The following ADAMTS13 variants were observed in gnomAD, a reference collection of about 807,000 sequenced individuals.
The protein encoded by ADAMTS13 is ADAM metallopeptidase with thrombospondin type 1 motif 13.
ADAMTS13 carries 110 observed loss-of-function variants against 155.1 expected under a neutral mutation model. The observed-to-expected ratio is 0.71, with a 90% confidence interval of 0.61 to 0.83. ADAMTS13 has a LOEUF of 0.83. Ranked by LOEUF, ADAMTS13 falls within the 40% of genes least tolerant of loss-of-function variation. The probability of loss-of-function intolerance (pLI) is 0.00; values close to 1 mark genes in which losing one functional copy is unlikely to be tolerated. For synonymous variants in ADAMTS13, 758 were observed against 756.4 expected (o/e 1.00, Z -0.03); for missense variants, 1,707 against 1,891.7 (o/e 0.90, Z 1.81).
intron 18 of ADAMTS13, 125 bp downstream of exon 18, chr9:133,442,868 C>G: frequency 7.1e-7 from 1 of 1,400,986 alleles, no homozygotes; most frequent in Non-Finnish European, 9.4e-7. Flanking sequence ...TGTGCAGGCT[C>G]TCATTACCCC....
Position 133,443,574 on chromosome 9 carries a change from C to A in ADAMTS13, c.2420+13C>A. 6.5e-7 allele frequency: 1 copy of A among 1,532,734 alleles called. No homozygotes were observed. Among genetic ancestry groups the A allele is most frequent in the Non-Finnish European group, 8.7e-7 (1 of 1,144,058 alleles). 94.9% of individuals were successfully genotyped at this position (1,532,734 alleles called of 1,614,324 possible). On this transcript the variant is annotated intron_variant, in intron 19 of 28. Transcript: ENST00000355699. ...CCTGCCCTGCCAGGTGAGCCCAGGG[C>A]TAGGTGGGGCTGGGAGAGGGCCTTC... is the stretch of plus-strand genomic sequence containing the variant.
chr9:133,417,869 C>G (rs1564401248), upstream of ADAMTS13: 1 of 1,592,250 alleles, frequency 6.3e-7, no homozygotes, highest in Admixed American at 1.7e-5. Context: ...GCGCCTGGGC[C>G]GGCGGCCACC....
intron 11 of ADAMTS13, 111 bp downstream of exon 11, chr9:133,433,815 G>T: frequency 7.5e-7 from 1 of 1,329,674 alleles, no homozygotes. Context: ...GGACATTGGG[G>T]CCAGGTGAGG....
intron 23 of ADAMTS13, among the ~76,000 whole-genome samples, chr9:133,453,713 A>G (rs1842575638): frequency 6.6e-6 from 1 of 152,182 alleles, no homozygotes; most frequent in African/African-American, 2.4e-5. Context: ...GATGCACACG[A>G]CAGCCTCCAC....
intron 11 of ADAMTS13, among the ~76,000 whole-genome samples, chr9:133,435,433 C>T (rs1488375083): frequency 1.3e-5 from 2 of 151,974 alleles, no homozygotes; most frequent in African/African-American, 4.8e-5. Context: ...AGGTGATCTG[C>T]CCGCCTTGGC....
rs3810905 is a variant in ADAMTS13, at chr9:133,455,724, G to A, written c.3400+289G>A. On this transcript the variant is annotated intron_variant, in intron 25 of 28. Coordinates refer to ENST00000355699, the MANE Select transcript of ADAMTS13 (RefSeq NM_139027.6). ...CTGGGTTGTGTGCCTGGGAGGCCGGGATCAGGGCTGGCCCTCTTTCTCCCT... is the reference window on the plus strand; with the variant it reads ...CTGGGTTGTGTGCCTGGGAGGCCGGAATCAGGGCTGGCCCTCTTTCTCCCT... 3,424 of 1,333,256 alleles carry A rather than the reference G, an allele frequency of 2.6e-3. 42 individuals are homozygous for A. The East Asian group carries it at 0.031, about 12-fold the overall frequency. 82.6% of individuals were successfully genotyped at this position (1,333,256 alleles called of 1,614,324 possible).
chr9:133,447,095 T>C (rs782083269), intron 21 of ADAMTS13, among the ~76,000 whole-genome samples: 3 of 152,194 alleles, frequency 2.0e-5, no homozygotes, highest in Admixed American at 6.5e-5. Flanking sequence ...CCTCAGGTGA[T>C]CTGCCTGCCT....
intron 24 of ADAMTS13, among the ~76,000 whole-genome samples, chr9:133,454,990 A>G (rs782650104): frequency 1.3e-5 from 2 of 152,106 alleles, no homozygotes; most frequent in Non-Finnish European, 2.9e-5. Flanking sequence ...GCATAGGGGC[A>G]CAGCAGACAG....
rs587614391 is a variant in ADAMTS13, at chr9:133,424,159, G to A, written c.173-162G>A. Among the ~76,000 whole-genome samples, 3 of 152,348 alleles carry A rather than the reference G, an allele frequency of 2.0e-5. No individual in the cohort carries two copies. Among genetic ancestry groups the A allele is most frequent in the South Asian group, 4.1e-4 (2 of 4,832 alleles). ...GCTCCTCCTGGGCCCTGCCCTTTGCGTGCCTAGTCACTAATGGGGTCTGGC... is the reference window on the plus strand; with the variant it reads ...GCTCCTCCTGGGCCCTGCCCTTTGCATGCCTAGTCACTAATGGGGTCTGGC... On this transcript the variant is annotated intron_variant, in intron 2 of 28. Coordinates refer to ENST00000355699, the MANE Select transcript of ADAMTS13 (RefSeq NM_139027.6). This position sits in a 1 kb window ranked among gnomAD's most constrained non-coding sequence, Gnocchi z 4.3.
Position 133,457,986 on chromosome 9 carries a change from G to C in ADAMTS13, c.3801G>C (p.Gly1267=). Residue 1267 remains glycine, a synonymous_variant, in exon 28 of 29, where the codon GGG becomes GGC. Transcript: ENST00000355699. ...TGAGTCCAGCCACGAGTAATGCAGG[G>C]GGCTGCCGGCTCTTCATTAATGTGG... is the stretch of plus-strand genomic sequence containing the variant. ...PSLSPATSNA[G]GCRLFINVAP... is the part of the protein sequence containing the mutation. 6.2e-7 allele frequency: 1 copy of C among 1,613,656 alleles called. No homozygotes were observed. The highest frequency in any genetic ancestry group is 8.5e-7 in the Non-Finnish European group (1 of 1,180,044).
chr9:133,452,003 T>C (rs782376342), intron 23 of ADAMTS13, among the ~76,000 whole-genome samples: 3 of 151,494 alleles, frequency 2.0e-5, no homozygotes, highest in East Asian at 1.9e-4. Context: ...TTTTTTTTTT[T>C]CTAAATTGTT....
chr9:133,440,014 G>T lies in ADAMTS13; in HGVS notation c.1787-330G>T, dbSNP rs1316803514. Among the ~76,000 whole-genome samples, 1 of 152,268 alleles carries T rather than the reference G, an allele frequency of 6.6e-6. No homozygotes were observed. Among genetic ancestry groups the T allele is most frequent in the Non-Finnish European group, 1.5e-5 (1 of 68,046 alleles). ...CAGCAAAAGCTGGACTTCTCTTTGG[G>T]CAAGGCCCGCTTCTTTGCTATTGAG... On this transcript the variant is annotated intron_variant, in intron 15 of 28. Coordinates refer to ENST00000355699, the MANE Select transcript of ADAMTS13 (RefSeq NM_139027.6). This position sits in a 1 kb window ranked among gnomAD's most constrained non-coding sequence, Gnocchi z 4.3.
At chr9:133,417,433 A>G (rs781878032), upstream of ADAMTS13, among the ~76,000 whole-genome samples, 2 of 152,204 alleles carry the variant, frequency 1.3e-5, no homozygotes, top group Non-Finnish European at 2.9e-5. Context: ...TTCTTTCATC[A>G]ATTTCTTTCA....
rs1554797242 is a variant in ADAMTS13, at chr9:133,459,232, T to C, written c.*52T>C. On this transcript the variant is annotated 3_prime_UTR_variant, in exon 29 of 29. Coordinates refer to ENST00000355699, the MANE Select transcript of ADAMTS13 (RefSeq NM_139027.6). ...TGGCCAGCCCTGGAGGGTTGACCCCTGGTCTCAGTGCTTTCCAATTCGAAC... is the reference window on the plus strand; with the variant it reads ...TGGCCAGCCCTGGAGGGTTGACCCCCGGTCTCAGTGCTTTCCAATTCGAAC... 1 of 1,514,156 alleles carries C rather than the reference T, an allele frequency of 6.6e-7. No homozygotes were observed. Among genetic ancestry groups the C allele is most frequent in the Non-Finnish European group, 9.0e-7 (1 of 1,109,952 alleles). The allele number at this position is 1,514,156 out of a possible 1,614,324, so 93.8% of individuals were successfully genotyped here. A position where few individuals can be genotyped will look rare whatever the true frequency, so the allele number is the denominator to read the frequency against.
intron 7 of ADAMTS13, 29 bp downstream of exon 7, chr9:133,428,800 C>T: frequency 7.8e-7 from 1 of 1,275,426 alleles, no homozygotes; most frequent in Admixed American, 3.9e-5. Flanking sequence ...GAGGGGCGCG[C>T]GAGCCTCCAG....
rs782036643 is a variant in ADAMTS13 at position 133,440,355 on chromosome 9, G to A, written c.1798G>A (p.Gly600Arg). ...TGGTTCCCCGACAGCGGTGAGGATC[G>A]GAGGGCGCTATGTCGTGGCTGGGAA... ...PLFTHLAVRIGGRYVVAGKMS... is the reference protein window; with the variant it reads ...PLFTHLAVRIRGRYVVAGKMS... Residue 600 changes from glycine to arginine, a missense_variant, in exon 16 of 29, where the codon GGA (glycine) becomes AGA (arginine). Physicochemically the swap from Gly to Arg is moderately radical, Grantham distance 125. Around this residue, in one of 3 missense-constraint regions of ADAMTS13, gnomAD observed 961 missense variants for 1,107.9 expected, o/e 0.87. Transcript: ENST00000355699. This position sits in a 1 kb window ranked among gnomAD's most constrained non-coding sequence, Gnocchi z 4.3. 1.9e-5 allele frequency: 31 copies of A among 1,614,002 alleles called. No individual in the cohort carries two copies. Among genetic ancestry groups the A allele is most frequent in the Non-Finnish European group, 2.4e-5 (28 of 1,180,042 alleles).
At chr9:133,447,994 CTTT>C (rs782297820) in intron 21 of ADAMTS13, among the ~76,000 whole-genome samples, 2 of 140,058 alleles carry the variant, frequency 1.4e-5, no homozygotes. Context: ...ATTTTTTTTT[CTTT>C]TTTTTTTTTT....
Position 133,456,311 on chromosome 9 carries a change from G to A in ADAMTS13, c.3547+96G>A, listed in dbSNP as rs1842740273. ...CCCCATTCCTGGCAGGAGCCCATGT[G>A]CATTCCCACCTGTAGTTTGCATCCC... is the stretch of plus-strand genomic sequence containing the variant. On this transcript the variant is annotated intron_variant, in intron 26 of 28. Transcript: ENST00000355699. This position sits in a 1 kb window ranked among gnomAD's most constrained non-coding sequence, Gnocchi z 4.4. 6.3e-7 allele frequency: 1 copy of A among 1,575,990 alleles called. No individual in the cohort carries two copies.
Position 133,436,809 on chromosome 9 carries a change from C to G in ADAMTS13, c.1309-20C>G, listed in dbSNP as rs2130845090. On this transcript the variant is annotated intron_variant, in intron 11 of 28. Transcript: ENST00000355699. The stretch of plus-strand genomic sequence containing the variant: ...CCCCCGCCCCACCGCCATCCCCCTC[C>G]TCTGCCTCCTCCTGGCCAGGCCTGC... The G allele has an allele frequency of 3.0e-6, 4 of 1,330,584 alleles. No homozygotes were observed. Among genetic ancestry groups the G allele is most frequent in the Non-Finnish European group, 4.0e-6 (4 of 989,906 alleles). The allele number at this position is 1,330,584 out of a possible 1,614,324, so 82.4% of individuals were successfully genotyped here. A position where few individuals can be genotyped will look rare whatever the true frequency, so the allele number is the denominator to read the frequency against.
Sources: gnomAD v4.1 joint callset for allele counts (sites outside exome capture counted in the v4.1 genomes callset) on GRCh38, gnomAD v4.1.1 for gene constraint, gnomAD v4.1.1 regional missense constraint, Gnocchi (gnomAD v3.1) non-coding constraint, MANE v1.5 for transcripts, NCBI Gene and HGNC (gene_info 2026-07-23, HGNC 2026-07-21) for gene names.